The following CLDN16 variants were observed in gnomAD, a reference collection of about 807,000 sequenced individuals.
CLDN16 encodes the protein claudin-16.
A neutral mutation model predicts 24.6 loss-of-function variants in CLDN16; 13 were observed. The observed-to-expected ratio is 0.53, with a 90% CI of 0.34 to 0.84. The LOEUF is 0.84. CLDN16 is among the 40% of genes least tolerant of loss of function. CLDN16 has a pLI of 0.01. For missense variants in CLDN16, 298 were observed against 292.7 expected (o/e 1.02, Z -0.13); for synonymous variants, 116 against 106.7 (o/e 1.09, Z -0.54).
At chr3:190,396,333 T>A (rs1327932868) in intron 1 of CLDN16, among the ~76,000 whole-genome samples, 2 of 152,216 alleles carry the variant, frequency 1.3e-5, no homozygotes, top group African/African-American at 4.8e-5. Context: ...AGCTCTTCAG[T>A]CTAAATCATA....
At chr3:190,362,698 C>T (rs1037236381) in intron 1 of CLDN16, among the ~76,000 whole-genome samples, 3 of 151,946 alleles carry the variant, frequency 2.0e-5, no homozygotes, top group Admixed American at 2.0e-4. Flanking sequence ...TAAAAAATTG[C>T]AAGTTGACTT....
At chr3:190,319,593 G>A (rs373731785), upstream of CLDN16, among the ~76,000 whole-genome samples, 11 of 152,072 alleles carry the variant, frequency 7.2e-5, no homozygotes, top group African/African-American at 2.2e-4. Context: ...AATACTTCCC[G>A]TGCTAAAGCC....
chr3:190,378,146 C>G (rs538372590), intron 3 of CLDN16, among the ~76,000 whole-genome samples: 1 of 152,036 alleles, frequency 6.6e-6, no homozygotes, highest in Admixed American at 6.6e-5. Flanking sequence ...ATAATAGTGA[C>G]TACCTCTTAT....
chr3:190,374,929 G>A (rs1163282888), intron 3 of CLDN16, among the ~76,000 whole-genome samples: 3 of 151,878 alleles, frequency 2.0e-5, no homozygotes, highest in African/African-American at 7.2e-5. Context: ...TAAAGGTAGA[G>A]AATAGGGAAC....
At chr3:190,405,283 G>T (rs562494267) in intron 3 of CLDN16, among the ~76,000 whole-genome samples, 1 of 151,908 alleles carries the variant, frequency 6.6e-6, no homozygotes, top group East Asian at 1.9e-4. Flanking sequence ...ACAAATCCAG[G>T]CATGGTGGTG....
chr3:190,372,383 C>T (rs1718160479), intron 2 of CLDN16, among the ~76,000 whole-genome samples: 1 of 151,886 alleles, frequency 6.6e-6, no homozygotes, highest in Non-Finnish European at 1.5e-5. Flanking sequence ...TGGAGCCTAC[C>T]TGTTTACCCA....
At chr3:190,401,243 A>C (rs867127734) in intron 1 of CLDN16, among the ~76,000 whole-genome samples, 1 of 29,246 alleles carries the variant, frequency 3.4e-5, no homozygotes, top group Admixed American at 3.8e-4. Context: ...TGTATTCCTG[A>C]ATATTATTTT....
chr3:190,392,918 A>T (rs1270334848), intron 1 of CLDN16, among the ~76,000 whole-genome samples: 1 of 152,194 alleles, frequency 6.6e-6, no homozygotes, highest in Non-Finnish European at 1.5e-5. Context: ...TTTTAGAAAG[A>T]TTAATCATTC....
chr3:190,315,588 C>T, the CLDN16 span, among the ~76,000 whole-genome samples: 1 of 152,250 alleles, frequency 6.6e-6, no homozygotes, highest in East Asian at 1.9e-4. Context: ...CTTCAAGCAT[C>T]TATAGCATCT....
intron 1 of CLDN16, among the ~76,000 whole-genome samples, chr3:190,335,356 T>C (rs1426255213): frequency 1.3e-5 from 2 of 152,082 alleles, no homozygotes; most frequent in African/African-American, 4.8e-5. Context: ...GAGGATGAAT[T>C]CTTCTGAAAT....
At chr3:190,390,536 A>AAAGAAG (rs56312204) in intron 1 of CLDN16, among the ~76,000 whole-genome samples, 14 of 151,718 alleles carry the variant, frequency 9.2e-5, no homozygotes, top group East Asian at 2.0e-4. Context: ...CCATCTTAAA[A>AAAGAAG]AAGAAGAAGA....
chr3:190,298,348 T>TACACACACACACACACACACAC, the CLDN16 span, among the ~76,000 whole-genome samples: 3,859 of 147,838 alleles, frequency 0.026, 70 homozygotes, highest in Admixed American at 0.067. Context: ...ATGTATATTA[T>TACACACACACACACACACACAC]ACACACACAC....
At chr3:190,327,576 G>A (rs1208398247) in intron 1 of CLDN16, among the ~76,000 whole-genome samples, 2 of 152,238 alleles carry the variant, frequency 1.3e-5, no homozygotes, top group Non-Finnish European at 2.9e-5. Context: ...TACACAGCTA[G>A]CAAAAAGCAG....
chr3:190,364,095 C>A (rs1717967496), intron 1 of CLDN16, among the ~76,000 whole-genome samples: 1 of 151,894 alleles, frequency 6.6e-6, no homozygotes, highest in Admixed American at 6.6e-5. Flanking sequence ...TAAATTAAGC[C>A]AAACCAATAC....
At chr3:190,330,679 C>A (rs901987160) in intron 1 of CLDN16, among the ~76,000 whole-genome samples, 4 of 152,024 alleles carry the variant, frequency 2.6e-5, no homozygotes, top group South Asian at 2.1e-4. Flanking sequence ...AGAATCGGAA[C>A]AAGTACATGA....
the CLDN16 span, among the ~76,000 whole-genome samples, chr3:190,292,142 G>A: frequency 3.0e-3 from 459 of 152,276 alleles, 1 homozygote; most frequent in Middle Eastern, 0.01. Flanking sequence ...CTGCACCACC[G>A]TAGCAGAGGT....
the CLDN16 span, among the ~76,000 whole-genome samples, chr3:190,314,563 T>G: frequency 1.5e-5 from 1 of 64,710 alleles, no homozygotes; most frequent in African/African-American, 1.6e-4. Flanking sequence ...CCTGGCTAAA[T>G]TTTTTTTTTT....
the CLDN16 span, among the ~76,000 whole-genome samples, chr3:190,295,023 T>C: frequency 6.6e-6 from 1 of 152,146 alleles, no homozygotes; most frequent in African/African-American, 2.4e-5. Flanking sequence ...ATAGAGGCAT[T>C]ATCTCAGGGC....
intron 1 of CLDN16, among the ~76,000 whole-genome samples, chr3:190,369,854 T>G (rs573697562): frequency 2.5e-4 from 38 of 152,032 alleles, no homozygotes; most frequent in Non-Finnish European, 5.0e-4. Context: ...TGTTTAGACT[T>G]GTTTGTTGCA....
Sources: gnomAD v4.1 joint callset for allele counts (sites outside exome capture counted in the v4.1 genomes callset) on GRCh38, gnomAD v4.1.1 for gene constraint, MANE v1.5 for transcripts, NCBI Gene and HGNC (gene_info 2026-07-23, HGNC 2026-07-21) for gene names.